Variants in ZNF445 observed in about 807,000 individuals in gnomAD.
ZNF445 encodes the protein zinc finger protein 445.
In ZNF445, 19 loss-of-function variants were observed where a neutral mutation model predicts 93.9. The observed-to-expected ratio is 0.20, with a 90% confidence interval of 0.14 to 0.30. The LOEUF (loss-of-function observed/expected upper bound fraction) is 0.30, where lower values mean the gene tolerates loss of function less well. Among genes scored for constraint, ZNF445 ranks in the 10% least tolerant of loss-of-function variants. The pLI is 1.00. For synonymous variants in ZNF445, 449 were observed against 446.3 expected (o/e 1.01, Z -0.08); for missense variants, 1,058 against 1,259.4 (o/e 0.84, Z 2.42).
rs1359910340 is a variant in ZNF445, at chr3:44,448,327, C to G, written c.1344G>C (p.Gln448His). The G allele has an allele frequency of 1.2e-6, 2 of 1,614,214 alleles. No homozygotes were observed. Among genetic ancestry groups the G allele is most frequent in the South Asian group, 1.1e-5 (1 of 91,086 alleles). ...RHMIGGFSLH[Q>H]RIHSGLKGNK... Reference sequence around the variant, plus strand: ...TCCCTTTCAGTCCACTATGAATTCTCTGATGTAGGCTGAAGCCCCCAATCA... The same window carrying G: ...TCCCTTTCAGTCCACTATGAATTCTGTGATGTAGGCTGAAGCCCCCAATCA... Residue 448 changes from glutamine to histidine, a missense_variant, in exon 8 of 8, where the codon CAG (glutamine) becomes CAC (histidine). Transcript: ENST00000396077.
At chr3:44,470,240 A>G (rs1312791782) in intron 1 of ZNF445, among the ~76,000 whole-genome samples, 1 of 152,202 alleles carries the variant, frequency 6.6e-6, no homozygotes, top group Non-Finnish European at 1.5e-5. Context: ...ACACTCCTAC[A>G]CAGCCAAGTA....
rs1361247272 is a variant in ZNF445, at chr3:44,442,900, G to A, written c.*3675C>T. On this transcript the variant is annotated 3_prime_UTR_variant, in exon 8 of 8. Transcript: ENST00000396077. ...CCCTGACTCAGCCAAACTAAATTCA[G>A]CTTCAGATTCCTTAACAGAGGTAAT... 1 of 152,130 alleles carries A rather than the reference G, an allele frequency of 6.6e-6. No individual in the cohort carries two copies. Among genetic ancestry groups the A allele is most frequent in the Non-Finnish European group, 1.5e-5 (1 of 68,040 alleles). 9.4% of individuals were successfully genotyped at this position (152,130 alleles called of 1,614,324 possible). A position where few individuals can be genotyped will look rare whatever the true frequency, so the allele number is the denominator to read the frequency against.
At chr3:44,469,637 C>T (rs558888537) in intron 1 of ZNF445, among the ~76,000 whole-genome samples, 210 of 152,000 alleles carry the variant, frequency 1.4e-3, no homozygotes, top group Middle Eastern at 3.4e-3. Flanking sequence ...GGCGTGGAGA[C>T]GTACAGCTGT....
intron 1 of ZNF445, among the ~76,000 whole-genome samples, 168 bp downstream of exon 1, chr3:44,477,423 C>A (rs910715686): frequency 6.6e-6 from 1 of 152,164 alleles, no homozygotes; most frequent in Non-Finnish European, 1.5e-5. Flanking sequence ...CTAGATACGC[C>A]CTCAGCGTGG....
intron 3 of ZNF445, chr3:44,454,918 C>A (rs908397537): frequency 9.7e-6 from 6 of 619,980 alleles, no homozygotes; most frequent in Non-Finnish European, 1.7e-5. Context: ...GCTGATATTC[C>A]TCTGGGAAGG....
chr3:44,467,752 T>G (rs1009855878), intron 1 of ZNF445, among the ~76,000 whole-genome samples: 1 of 152,224 alleles, frequency 6.6e-6, no homozygotes, highest in African/African-American at 2.4e-5. Flanking sequence ...AAAGTTTATT[T>G]TGTAAACAAA....
intron 1 of ZNF445, among the ~76,000 whole-genome samples, chr3:44,470,356 C>T (rs1485733580): frequency 1.8e-4 from 27 of 151,802 alleles, no homozygotes; most frequent in Non-Finnish European, 2.9e-5. Context: ...AACGTACAAC[C>T]GTGTGTGTGT....
At chr3:44,454,755 T>TG (rs57424606) in intron 3 of ZNF445, 77 of 289,660 alleles carry the variant, frequency 2.7e-4, no homozygotes, top group Middle Eastern at 1.2e-3. Context: ...AGAGACAGTG[T>TG]GGGGGGGTCC....
intron 2 of ZNF445, among the ~76,000 whole-genome samples, chr3:44,457,011 C>A (rs532145828): frequency 8.5e-5 from 13 of 152,264 alleles, no homozygotes; most frequent in African/African-American, 3.1e-4. Flanking sequence ...TGCCTATAAT[C>A]CCAGCTACTC....
intron 6 of ZNF445, chr3:44,450,057 C>T (rs1697935477): frequency 3.4e-6 from 1 of 292,450 alleles, no homozygotes. Context: ...TCTCCAGCCT[C>T]GGCTTCCCAA....
At chr3:44,449,487 G>T in intron 7 of ZNF445, 26 bp downstream of exon 7, 1 of 1,552,292 alleles carries the variant, frequency 6.4e-7, no homozygotes, top group South Asian at 1.1e-5. Flanking sequence ...GGAGGAGCAG[G>T]ACCTGGCAGG....
At chr3:44,453,281 C>G (rs1697980935) in intron 3 of ZNF445, among the ~76,000 whole-genome samples, 1 of 151,246 alleles carries the variant, frequency 6.6e-6, no homozygotes, top group South Asian at 2.1e-4. Context: ...AAGTGTATGT[C>G]TATATATGTT....
At position 44,440,352 on chromosome 3, in the gene ZNF445, G is replaced by A. The variant is rs1161222974; in HGVS notation, c.*6223C>T. On this transcript the variant is annotated 3_prime_UTR_variant, in exon 8 of 8. Transcript: ENST00000396077. ...AGAATGAAAAACATCTCCATCTTCT[G>A]GATCCCATTTCTTCATTAAAATTAT... The A allele has an allele frequency of 2.6e-5, 4 of 152,102 alleles. No individual in the cohort carries two copies. Among genetic ancestry groups the A allele is most frequent in the Non-Finnish European group, 5.9e-5 (4 of 68,008 alleles). The allele number at this position is 152,102 out of a possible 1,614,324, so 9.4% of individuals were successfully genotyped here.
rs1697646546 is a variant in ZNF445 at position 44,434,945 on chromosome 3, T to C, written c.*11630A>G. 6.6e-6 allele frequency: 1 copy of C among 152,320 alleles called. No homozygotes were observed. The highest frequency in any genetic ancestry group is 2.1e-4 in the South Asian group (1 of 4,826). The allele number at this position is 152,320 out of a possible 1,614,324, so 9.4% of individuals were successfully genotyped here. A position where few individuals can be genotyped will look rare whatever the true frequency, so the allele number is the denominator to read the frequency against. The stretch of plus-strand genomic sequence containing the variant: ...TATAGATAACATTTATAAGTCACCA[T>C]AACAACCACTTATTTTTCAGGAACT... On this transcript the variant is annotated 3_prime_UTR_variant, in exon 8 of 8. Coordinates refer to ENST00000396077, the MANE Select transcript of ZNF445 (RefSeq NM_181489.6).
chr3:44,460,130 C>A (rs776312849), intron 1 of ZNF445, among the ~76,000 whole-genome samples: 2 of 152,304 alleles, frequency 1.3e-5, no homozygotes, highest in Non-Finnish European at 2.9e-5. Context: ...CACTCTGTAA[C>A]ATAACATTGA....
intron 1 of ZNF445, among the ~76,000 whole-genome samples, chr3:44,469,127 G>A (rs1246590974): frequency 6.6e-6 from 1 of 151,844 alleles, no homozygotes; most frequent in African/African-American, 2.4e-5. Flanking sequence ...CAACATAACT[G>A]CTTTACTGTA....
chr3:44,476,069 T>A (rs1243166177), intron 1 of ZNF445, among the ~76,000 whole-genome samples: 1 of 151,936 alleles, frequency 6.6e-6, no homozygotes, highest in African/African-American at 2.4e-5. Context: ...AAAAAAGAAA[T>A]TCATAAATTC....
rs1341422662 is a variant in ZNF445 at position 44,443,044 on chromosome 3, T to C, written c.*3531A>G. ...CCAAAAACACAAACATCACCTGACATAGGAACCAAGAGAGGTGGGGCCACG... is the reference window on the plus strand; with the variant it reads ...CCAAAAACACAAACATCACCTGACACAGGAACCAAGAGAGGTGGGGCCACG... On this transcript the variant is annotated 3_prime_UTR_variant, in exon 8 of 8. Coordinates refer to ENST00000396077, the MANE Select transcript of ZNF445 (RefSeq NM_181489.6). The C allele has an allele frequency of 6.6e-6, 1 of 152,142 alleles. No individual in the cohort carries two copies. The highest frequency in any genetic ancestry group is 1.5e-5 in the Non-Finnish European group (1 of 68,058). The allele number at this position is 152,142 out of a possible 1,614,324, so 9.4% of individuals were successfully genotyped here. A position where few individuals can be genotyped will look rare whatever the true frequency, so the allele number is the denominator to read the frequency against.
At chr3:44,469,500 G>A (rs1698237467) in intron 1 of ZNF445, among the ~76,000 whole-genome samples, 1 of 152,192 alleles carries the variant, frequency 6.6e-6, no homozygotes, top group Non-Finnish European at 1.5e-5. Context: ...CTGGCATGGT[G>A]GCTTGCACCT....
Sources: allele counts gnomAD v4.1 joint callset (sites outside exome capture counted in the v4.1 genomes callset), GRCh38; gene constraint gnomAD v4.1.1; transcripts MANE v1.5; gene names NCBI Gene and HGNC (gene_info 2026-07-23, HGNC 2026-07-21).